FBXL20: variants seen among roughly 807,000 people sequenced by gnomAD.
The protein encoded by FBXL20 is F-box/LRR-repeat protein 20.
FBXL20 carries 11 observed loss-of-function variants against 64.0 expected under a neutral mutation model. The ratio of observed to expected loss-of-function variants is 0.17; its 90% CI spans 0.11 to 0.28. FBXL20 has a LOEUF of 0.28. FBXL20 is among the 10% of genes least tolerant of loss of function. The pLI, the probability that FBXL20 is intolerant of heterozygous loss-of-function variation, is 1.00. For synonymous variants in FBXL20, 184 were observed against 189.0 expected, an observed-to-expected ratio of 0.97 and a Z score of 0.22; for missense variants, 303 against 526.2, an observed-to-expected ratio of 0.58 and a Z score of 4.15.
intron 2 of FBXL20, among the ~76,000 whole-genome samples, chr17:39,341,263 T>C (rs1477893368): frequency 6.6e-6 from 1 of 152,150 alleles, no homozygotes; most frequent in Non-Finnish European, 1.5e-5. Context: ...CCCATAGAAA[T>C]CATGTAATAA....
intron 2 of FBXL20, among the ~76,000 whole-genome samples, chr17:39,309,392 G>A (rs1841413501): frequency 6.6e-6 from 1 of 152,206 alleles, no homozygotes; most frequent in Admixed American, 6.5e-5. Flanking sequence ...ATCCCATCAG[G>A]AATAAGATCT....
chr17:39,353,642 G>A (rs563058004), intron 1 of FBXL20, among the ~76,000 whole-genome samples: 17 of 90,828 alleles, frequency 1.9e-4, no homozygotes, highest in Non-Finnish European at 2.8e-4. Flanking sequence ...TTATTTATTT[G>A]AGACAGAGTC....
chr17:39,310,062 A>G (rs949661420), intron 2 of FBXL20, among the ~76,000 whole-genome samples: 2 of 150,300 alleles, frequency 1.3e-5, no homozygotes, highest in Admixed American at 6.7e-5. Flanking sequence ...CTGAGGCGGG[A>G]GGATTGTTTG....
At position 39,252,852 on chromosome 17, in the gene FBXL20, T is replaced by C. The variant is rs2046662546; in HGVS notation, c.*8608A>G. 6.6e-6 allele frequency: 1 copy of C among 151,054 alleles called. No individual in the cohort carries two copies. Among genetic ancestry groups the C allele is most frequent in the Non-Finnish European group, 1.5e-5 (1 of 67,816 alleles). 9.4% of individuals were successfully genotyped at this position (151,054 alleles called of 1,614,324 possible). On this transcript the variant is annotated 3_prime_UTR_variant, in exon 15 of 15. Transcript: ENST00000264658. ...CTCGGATTTTATTTATTTTAAATAA[T>C]CCCCCTCCCCCCATCCTCAAGCGCC... is the stretch of plus-strand genomic sequence containing the variant.
At chr17:39,398,118 C>CT (rs2048204970) in intron 1 of FBXL20, among the ~76,000 whole-genome samples, 1 of 142,392 alleles carries the variant, frequency 7.0e-6, no homozygotes, top group Non-Finnish European at 1.5e-5. Context: ...CCCGTCTCTA[C>CT]TAAAAATACA....
chr17:39,315,580 G>A (rs1344678818), intron 2 of FBXL20, among the ~76,000 whole-genome samples: 2 of 151,736 alleles, frequency 1.3e-5, no homozygotes, highest in Non-Finnish European at 2.9e-5. Context: ...TCCAAGCAGA[G>A]TGAGGAGAGG....
intron 1 of FBXL20, among the ~76,000 whole-genome samples, chr17:39,379,959 G>A (rs2048006533): frequency 6.6e-6 from 1 of 152,036 alleles, no homozygotes; most frequent in Non-Finnish European, 1.5e-5. Flanking sequence ...AGCCTGAGTT[G>A]ACAGAGTGAG....
At chr17:39,263,263 C>T (rs1159990798) in intron 14 of FBXL20, among the ~76,000 whole-genome samples, 1 of 152,132 alleles carries the variant, frequency 6.6e-6, no homozygotes, top group Non-Finnish European at 1.5e-5. Flanking sequence ...ACCTATAATC[C>T]CAGCACTTCT....
At chr17:39,338,316 G>C (rs926630083) in intron 2 of FBXL20, among the ~76,000 whole-genome samples, 15 of 152,318 alleles carry the variant, frequency 9.8e-5, no homozygotes, top group Admixed American at 2.6e-4. Flanking sequence ...AGATGTTTTT[G>C]TTAAACAGAT....
chr17:39,390,674 C>T (rs952924805), intron 1 of FBXL20, among the ~76,000 whole-genome samples: 1 of 152,094 alleles, frequency 6.6e-6, no homozygotes, highest in Admixed American at 6.6e-5. Context: ...CTGCAGTGAG[C>T]CCTGATGTCA....
intron 1 of FBXL20, among the ~76,000 whole-genome samples, chr17:39,384,592 A>C (rs937313097): frequency 1.3e-5 from 2 of 152,034 alleles, no homozygotes; most frequent in Non-Finnish European, 2.9e-5. Flanking sequence ...CTTATTTCTA[A>C]AGGTGGAGAA....
chr17:39,283,434 TTTTC>T (rs917796294), intron 7 of FBXL20, among the ~76,000 whole-genome samples: 14 of 152,172 alleles, frequency 9.2e-5, no homozygotes, highest in South Asian at 8.3e-4. Context: ...TCAGATTTTC[TTTTC>T]TTTCTTTTTT....
At chr17:39,265,540 C>A in intron 12 of FBXL20, 87 bp from the exon 13 acceptor site, 1 of 1,009,218 alleles carries the variant, frequency 9.9e-7, no homozygotes, top group Non-Finnish European at 1.5e-6. Context: ...TAGTCTTGCT[C>A]TGTTGCCCAG....
In FBXL20 at chr17:39,351,520, AG is replaced by A. The variant is rs2047687009; in HGVS notation, c.43-8280del. Among the ~76,000 whole-genome samples the A allele has an allele frequency of 6.0e-5, 9 of 149,066 alleles. No homozygotes were observed. The South Asian group carries it at 1.9e-3, about 31-fold the overall frequency. ...TATATTTCAGTTGAATCCAAACTCC[AG>A]GTTTCTCATTCAAAAATATAAAAGG... On this transcript the variant is annotated intron_variant, in intron 1 of 14. Transcript: ENST00000264658.
intron 9 of FBXL20, among the ~76,000 whole-genome samples, chr17:39,277,348 A>G (rs1453353544): frequency 6.6e-6 from 1 of 152,202 alleles, no homozygotes; most frequent in Non-Finnish European, 1.5e-5. Flanking sequence ...CAGGCCAAAG[A>G]TATTTGTGCC....
intron 2 of FBXL20, among the ~76,000 whole-genome samples, chr17:39,336,770 G>GC (rs1307200995): frequency 1.3e-5 from 2 of 148,708 alleles, no homozygotes; most frequent in East Asian, 3.9e-4. Flanking sequence ...GTTGCAGTGA[G>GC]CCGAGATTGC....
In FBXL20 at chr17:39,401,570, C is replaced by T; in HGVS notation, c.-168G>A. Reference sequence around the variant, plus strand: ...CTCTCGGCTCCGGCTAGGCCTCCACCACCTCCCGCGGCGCCGGCGGCCGCA... The same window carrying T: ...CTCTCGGCTCCGGCTAGGCCTCCACTACCTCCCGCGGCGCCGGCGGCCGCA... On this transcript the variant is annotated 5_prime_UTR_variant, in exon 1 of 15. Transcript: ENST00000264658. 4.3e-6 allele frequency: 6 copies of T among 1,408,518 alleles called. No homozygotes were observed. The highest frequency in any genetic ancestry group is 5.5e-6 in the Non-Finnish European group (6 of 1,090,012). 87.3% of individuals were successfully genotyped at this position (1,408,518 alleles called of 1,614,324 possible). A position where few individuals can be genotyped will look rare whatever the true frequency, so the allele number is the denominator to read the frequency against.
chr17:39,275,339 T>A (rs918438861), intron 9 of FBXL20, among the ~76,000 whole-genome samples: 1 of 152,160 alleles, frequency 6.6e-6, no homozygotes, highest in Non-Finnish European at 1.5e-5. Context: ...AAAGCTACAA[T>A]GGAATTCTAA....
intron 1 of FBXL20, among the ~76,000 whole-genome samples, chr17:39,361,334 T>G (rs2047791613): frequency 6.6e-6 from 1 of 152,124 alleles, no homozygotes; most frequent in African/African-American, 2.4e-5. Flanking sequence ...CGCTGTTAGC[T>G]GAATAGTTTG....
Sources: gnomAD v4.1 joint callset for allele counts (sites outside exome capture counted in the v4.1 genomes callset) on GRCh38, gnomAD v4.1.1 for gene constraint, MANE v1.5 for transcripts, NCBI Gene and HGNC (gene_info 2026-07-23, HGNC 2026-07-21) for gene names.